Variants in PGS1 observed in about 807,000 individuals in gnomAD.
PGS1 encodes the protein phosphatidylglycerophosphate synthase 1.
Under a neutral mutation model 58.3 loss-of-function variants are expected in PGS1, and 44 were observed. That is an observed-to-expected ratio of 0.75 (90% CI 0.59 to 0.97). The LOEUF (loss-of-function observed/expected upper bound fraction) is 0.97, where lower values mean the gene tolerates loss of function less well. PGS1 is among the 50% of genes least tolerant of loss of function. The pLI, the probability that PGS1 is intolerant of heterozygous loss-of-function variation, is 0.00. For synonymous variants in PGS1, 330 were observed against 311.0 expected (o/e 1.06, Z -0.64); for missense variants, 684 against 731.1 (o/e 0.94, Z 0.74).
intron 3 of PGS1, 73 bp from the exon 4 acceptor site, chr17:78,398,179 G>T: frequency 9.2e-7 from 1 of 1,085,730 alleles, no homozygotes. Context: ...TAGCCGATGG[G>T]GCGATTTGTT....
chr17:78,403,317 A>T (rs1309437767), intron 6 of PGS1, among the ~76,000 whole-genome samples: 2 of 151,820 alleles, frequency 1.3e-5, no homozygotes, highest in Non-Finnish European at 2.9e-5. Flanking sequence ...TGTAATTGGA[A>T]TGATACGTCG....
chr17:78,383,251 CTT>C (rs148101901), intron 1 of PGS1, among the ~76,000 whole-genome samples: 48 of 146,442 alleles, frequency 3.3e-4, no homozygotes, highest in East Asian at 4.0e-4. Context: ...ATTTTCTTTC[CTT>C]TTTTTTTTTT....
At chr17:78,423,038 A>G (rs1010066897) in intron 9 of PGS1, among the ~76,000 whole-genome samples, 4 of 151,534 alleles carry the variant, frequency 2.6e-5, no homozygotes, top group African/African-American at 4.9e-5. Context: ...GGAGGTTGCA[A>G]CGTGAGCCGA....
intron 9 of PGS1, chr17:78,420,291 A>G: frequency 1.1e-6 from 1 of 923,486 alleles, no homozygotes; most frequent in Non-Finnish European, 1.3e-6. Flanking sequence ...CCGCTTCACC[A>G]GAGGCACCAG....
At chr17:78,393,999 C>A (rs7219625) in intron 2 of PGS1, among the ~76,000 whole-genome samples, 1 of 151,074 alleles carries the variant, frequency 6.6e-6, no homozygotes, top group Non-Finnish European at 1.5e-5. Context: ...GCCTCGTCAA[C>A]GTGGTGAAAC....
intron 3 of PGS1, among the ~76,000 whole-genome samples, chr17:78,397,594 C>CCCG (rs10642898): frequency 0.35 from 52,627 of 151,690 alleles, 10,015 homozygotes; most frequent in Admixed American, 0.42. Flanking sequence ...GCGCCACCCC[C>CCCG]CCAGCTAATT....
intron 7 of PGS1, among the ~76,000 whole-genome samples, chr17:78,405,516 C>T (rs2084058103): frequency 6.6e-6 from 1 of 152,198 alleles, no homozygotes; most frequent in African/African-American, 2.4e-5. Flanking sequence ...GCATGTTTAT[C>T]CCTCTCAGGC....
intron 8 of PGS1, 104 bp downstream of exon 8, chr17:78,415,131 CGAGT>C: frequency 7.7e-7 from 1 of 1,294,890 alleles, no homozygotes; most frequent in Non-Finnish European, 1.1e-6. Flanking sequence ...CCTGAGGCAA[CGAGT>C]GAGACTCAGA....
At chr17:78,420,195 C>T (rs2085585154) in intron 9 of PGS1, 1 of 1,000,518 alleles carries the variant, frequency 1.0e-6, no homozygotes, top group Admixed American at 5.3e-5. Flanking sequence ...TCGCTGACAT[C>T]CCTGTGCTGC....
chr17:78,408,444 C>T (rs1316632793), intron 7 of PGS1, among the ~76,000 whole-genome samples: 1 of 152,122 alleles, frequency 6.6e-6, no homozygotes, highest in Non-Finnish European at 1.5e-5. Flanking sequence ...CAGGAGGACA[C>T]GGGGAACAGG....
chr17:78,378,785 G>C lies in PGS1; in HGVS notation c.120G>C (p.Arg40Ser), dbSNP rs1408872761. Residue 40 changes from arginine to serine, a missense_variant, in exon 1 of 10, where the codon AGG (arginine) becomes AGC (serine). Coordinates refer to ENST00000262764, the MANE Select transcript of PGS1 (RefSeq NM_024419.5). ...GACGCCTGTCCGACCGCCTCGGCAG[G>C]AACCGGGACCGCCAGCGCAGGAGGT... Reference protein sequence around the residue: ...LLGRLSDRLGRNRDRQRRRSP... With the variant: ...LLGRLSDRLGSNRDRQRRRSP... The C allele has an allele frequency of 1.3e-6, 2 of 1,481,768 alleles. No individual in the cohort carries two copies. Among genetic ancestry groups the C allele is most frequent in the African/African-American group, 2.9e-5 (2 of 68,118 alleles). 91.8% of individuals were successfully genotyped at this position (1,481,768 alleles called of 1,614,324 possible).
intron 1 of PGS1, among the ~76,000 whole-genome samples, chr17:78,385,855 G>A (rs530089274): frequency 1.4e-4 from 22 of 152,336 alleles, no homozygotes; most frequent in Admixed American, 3.3e-4. Context: ...TGTGCAGGGC[G>A]CGTTGTCCTG....
Position 78,400,997 on chromosome 17 carries a change from G to T in PGS1, c.880+142G>T. ...CATTCTGCTTTTGTCCTTGAAGCCAGACAGATGTGACTCACTGACCATCAG... is the reference window on the plus strand; with the variant it reads ...CATTCTGCTTTTGTCCTTGAAGCCATACAGATGTGACTCACTGACCATCAG... On this transcript the variant is annotated intron_variant, in intron 6 of 9. Coordinates refer to ENST00000262764, the MANE Select transcript of PGS1 (RefSeq NM_024419.5). This position sits in a 1 kb window ranked among gnomAD's most constrained non-coding sequence, Gnocchi z 4.4. 1.4e-6 allele frequency: 1 copy of T among 696,316 alleles called. No individual in the cohort carries two copies. Among genetic ancestry groups the T allele is most frequent in the Non-Finnish European group, 2.4e-6 (1 of 422,188 alleles). 43.1% of individuals were successfully genotyped at this position (696,316 alleles called of 1,614,324 possible).
At chr17:78,398,067 T>G (rs377469087) in intron 3 of PGS1, 185 bp from the exon 4 acceptor site, 1 of 672,158 alleles carries the variant, frequency 1.5e-6, no homozygotes. Flanking sequence ...TGGGTGCTTC[T>G]TCTGATGATC....
intron 1 of PGS1, among the ~76,000 whole-genome samples, chr17:78,383,269 C>T (rs909531681): frequency 6.7e-6 from 1 of 149,912 alleles, no homozygotes; most frequent in Non-Finnish European, 1.5e-5. Flanking sequence ...TTTTTTGAGA[C>T]GGAGTTTCAC....
chr17:78,408,462 T>C (rs893158778), intron 7 of PGS1, among the ~76,000 whole-genome samples: 16 of 152,128 alleles, frequency 1.1e-4, no homozygotes, highest in African/African-American at 3.6e-4. Context: ...AGGGCTGATA[T>C]TTGACTTTCT....
At chr17:78,386,638 C>T (rs2082403539) in intron 1 of PGS1, among the ~76,000 whole-genome samples, 1 of 152,198 alleles carries the variant, frequency 6.6e-6, no homozygotes, top group African/African-American at 2.4e-5. Context: ...CCTCACGTCT[C>T]TTGGGGCTTT....
chr17:78,419,469 TG>T, intron 8 of PGS1, 76 bp from the exon 9 acceptor site: 1 of 1,325,302 alleles, frequency 7.5e-7, no homozygotes. Context: ...CCTGAGGGGC[TG>T]GGCTGGGGCC....
chr17:78,391,017 T>C (rs1237854712), intron 1 of PGS1, among the ~76,000 whole-genome samples: 3 of 152,044 alleles, frequency 2.0e-5, no homozygotes, highest in Admixed American at 2.0e-4. Flanking sequence ...CTCAGCTCAC[T>C]GCAATCTCCG....
Sources: allele counts gnomAD v4.1 joint callset (sites outside exome capture counted in the v4.1 genomes callset), GRCh38; gene constraint gnomAD v4.1.1; non-coding constraint Gnocchi (gnomAD v3.1); transcripts MANE v1.5; gene names NCBI Gene and HGNC (gene_info 2026-07-23, HGNC 2026-07-21).